Variants in GABRA4 observed in about 807,000 individuals in gnomAD.
The protein encoded by GABRA4 is gamma-aminobutyric acid type A receptor subunit alpha4.
GABRA4 carries 12 observed loss-of-function variants against 49.7 expected under a neutral mutation model. The observed-to-expected ratio is 0.24, with a 90% CI of 0.15 to 0.39. The LOEUF (loss-of-function observed/expected upper bound fraction) is 0.39, where lower values mean the gene tolerates loss of function less well. Ranked by LOEUF, GABRA4 falls within the 10% of genes least tolerant of loss-of-function variation. The probability of loss-of-function intolerance (pLI) is 1.00; values close to 1 mark genes in which losing one functional copy is unlikely to be tolerated. For missense variants in GABRA4, 506 were observed against 686.0 expected (o/e 0.74, Z 2.93); for synonymous variants, 288 against 240.2 (o/e 1.20, Z -1.84).
chr4:46,943,146 A>G (rs922048091), intron 8 of GABRA4, among the ~76,000 whole-genome samples: 1 of 152,108 alleles, frequency 6.6e-6, no homozygotes, highest in Non-Finnish European at 1.5e-5. Flanking sequence ...GCCCATATTC[A>G]AAGTCTAATA....
intron 7 of GABRA4, among the ~76,000 whole-genome samples, chr4:46,968,695 G>A (rs558388097): frequency 2.0e-5 from 3 of 151,540 alleles, no homozygotes; most frequent in East Asian, 1.9e-4. Context: ...CTGCTACTTC[G>A]TTTTCTTAAA....
At chr4:46,991,277 GA>G (rs1469318239) in intron 2 of GABRA4, among the ~76,000 whole-genome samples, 5 of 152,152 alleles carry the variant, frequency 3.3e-5, no homozygotes, top group Non-Finnish European at 7.4e-5. Context: ...TAATGGTTTG[GA>G]ATTCAGAAGA....
chr4:46,977,125 C>G lies in GABRA4; in HGVS notation c.513G>C (p.Glu171Asp). The G allele has an allele frequency of 6.2e-7, 1 of 1,607,528 alleles. No individual in the cohort carries two copies. Among genetic ancestry groups the G allele is most frequent in the Non-Finnish European group, 8.5e-7 (1 of 1,175,512 alleles). Residue 171 changes from glutamate to aspartate, a missense_variant, in exon 5 of 9, where the codon GAG (glutamate) becomes GAC (aspartate). This residue lies in a region of GABRA4 where 195 missense variants were observed against 326.0 expected (regional missense o/e 0.60). Coordinates refer to ENST00000264318, the MANE Select transcript of GABRA4 (RefSeq NM_000809.4). ...GAAAATCCACCAATCTCATGGGACA[C>G]TCCGCACTTATGGTGAGTCTATGAT... Reference protein sequence around the residue: ...LYTMRLTISAECPMRLVDFPM... With the variant: ...LYTMRLTISADCPMRLVDFPM...
intron 5 of GABRA4, 88 bp downstream of exon 5, chr4:46,976,973 G>T (rs1448705730): frequency 2.7e-6 from 2 of 740,296 alleles, no homozygotes; most frequent in Non-Finnish European, 4.6e-6. Context: ...TGACTTAAAT[G>T]TTGGATTATG....
rs1468275421 is a variant in GABRA4, at chr4:46,925,463, AT to A, written c.*2761del. 1 of 151,760 alleles carries A rather than the reference AT, an allele frequency of 6.6e-6. No homozygotes were observed. 9.4% of individuals were successfully genotyped at this position (151,760 alleles called of 1,614,324 possible). Reference sequence around the variant, plus strand: ...TAGGTCCTGAATAAAATTATTCTGAATTTCATCTTTAAAAGAGTTATATAAA... The same window carrying A: ...TAGGTCCTGAATAAAATTATTCTGAATTCATCTTTAAAAGAGTTATATAAA... On this transcript the variant is annotated 3_prime_UTR_variant, in exon 9 of 9. Coordinates refer to ENST00000264318, the MANE Select transcript of GABRA4 (RefSeq NM_000809.4).
At chr4:46,948,366 C>T (rs970783498) in intron 8 of GABRA4, among the ~76,000 whole-genome samples, 2 of 151,994 alleles carry the variant, frequency 1.3e-5, no homozygotes, top group African/African-American at 4.8e-5. Context: ...AAAGAAATAT[C>T]ATGGAGGAAA....
At chr4:46,952,786 A>T (rs1722216150) in intron 8 of GABRA4, among the ~76,000 whole-genome samples, 1 of 152,100 alleles carries the variant, frequency 6.6e-6, no homozygotes, top group Non-Finnish European at 1.5e-5. Flanking sequence ...GATTTTTTCC[A>T]TTCTAAAAAG....
chr4:46,979,070 T>C lies in GABRA4; in HGVS notation c.234A>G (p.Ile78Met). The stretch of plus-strand genomic sequence containing the variant: ...AAACAGGTCCAAAGCTGGTGACATA[T>C]ATGTCAGTTTTCACTTCTGTAACAG... ...GGPVTEVKTD[I>M]YVTSFGPVSD... Residue 78 changes from isoleucine to methionine, a missense_variant, in exon 3 of 9, where the codon ATA (isoleucine) becomes ATG (methionine). By Grantham distance (10) the Ile-to-Met change is conservative. Transcript: ENST00000264318. The C allele has an allele frequency of 6.2e-7, 1 of 1,611,178 alleles. No individual in the cohort carries two copies. The highest frequency in any genetic ancestry group is 2.2e-5 in the East Asian group (1 of 44,756).
chr4:46,954,613 GAGTTTGTACTAAT>G (rs1442168168), intron 8 of GABRA4, among the ~76,000 whole-genome samples: 2 of 151,410 alleles, frequency 1.3e-5, no homozygotes, highest in Non-Finnish European at 2.9e-5. Flanking sequence ...AAGAATGGAT[GAGTTTGTACTAAT>G]ACAGACATTT....
At chr4:46,944,340 G>C (rs944991964) in intron 8 of GABRA4, among the ~76,000 whole-genome samples, 4 of 152,002 alleles carry the variant, frequency 2.6e-5, no homozygotes, top group African/African-American at 9.7e-5. Flanking sequence ...GTCAGCCAGG[G>C]GGCAGTTCTA....
In GABRA4 at chr4:46,928,483, T is replaced by A. The variant is rs961298189; in HGVS notation, c.1407A>T (p.Ser469=). Residue 469 remains serine, a synonymous_variant, in exon 9 of 9, where the codon TCA becomes TCT. Transcript: ENST00000264318. ...IRTGYMPRKA[S]VGSASTRHVF... is the part of the protein sequence containing the mutation. Reference sequence around the variant, plus strand: ...CGTGACGAGTAGAAGCAGATCCAACTGAAGCCTTTCGAGGCATATATCCAG... The same window carrying A: ...CGTGACGAGTAGAAGCAGATCCAACAGAAGCCTTTCGAGGCATATATCCAG... The A allele has an allele frequency of 1.2e-5, 20 of 1,613,498 alleles. No homozygotes were observed. The African/African-American group carries it at 1.7e-4, about 14-fold the overall frequency.
At chr4:46,993,317 C>T in intron 1 of GABRA4, 22 bp downstream of exon 1, 1 of 1,609,058 alleles carries the variant, frequency 6.2e-7, no homozygotes, top group Non-Finnish European at 8.5e-7. Flanking sequence ...TTGCCCACCT[C>T]CTCGCACCCC....
rs1284402175 is a variant in GABRA4, at chr4:46,926,370, G to A, written c.*1855C>T. On this transcript the variant is annotated 3_prime_UTR_variant, in exon 9 of 9. Transcript: ENST00000264318. ...AATCAATTTTAAATTGGGGGGTTGG[G>A]ACTGGGTGATTTCGACAGTATCTTT... The A allele has an allele frequency of 6.6e-6, 1 of 151,798 alleles. No homozygotes were observed. Among genetic ancestry groups the A allele is most frequent in the Non-Finnish European group, 1.5e-5 (1 of 67,848 alleles). The allele number at this position is 151,798 out of a possible 1,614,324, so 9.4% of individuals were successfully genotyped here. A position where few individuals can be genotyped will look rare whatever the true frequency, so the allele number is the denominator to read the frequency against.
rs750395562 is a variant in GABRA4 at position 46,974,195 on chromosome 4, C to A, written c.721+37G>T. ...CAGGAGAAAACTTTATTGCTAACAC[C>A]AAGTAGCATGTCGGCTTTAATCATT... On this transcript the variant is annotated intron_variant, in intron 6 of 8. Transcript: ENST00000264318. The A allele has an allele frequency of 1.2e-4, 188 of 1,573,236 alleles. 2 individuals carry two copies. Among genetic ancestry groups the A allele is most frequent in the Non-Finnish European group, 1.5e-4 (170 of 1,157,346 alleles).
chr4:46,992,712 A>T, intron 2 of GABRA4, 116 bp downstream of exon 2: 1 of 783,416 alleles, frequency 1.3e-6, no homozygotes, highest in Non-Finnish European at 2.3e-6. Flanking sequence ...ATAGAAAGAG[A>T]GAGAGATTTA....
intron 2 of GABRA4, among the ~76,000 whole-genome samples, chr4:46,979,547 T>C (rs1457091313): frequency 6.6e-6 from 1 of 152,072 alleles, no homozygotes; most frequent in Non-Finnish European, 1.5e-5. Context: ...CTGAGGATAC[T>C]AGTAAATAAT....
Position 46,928,597 on chromosome 4 carries a change from G to A in GABRA4, c.1293C>T (p.Ser431=). The change falls in exon 9 of 9, where the codon TCC becomes TCT. Residue 431 remains serine (S), a synonymous_variant. Transcript: ENST00000264318. The stretch of plus-strand genomic sequence containing the variant: ...TTGCACGGCTGAATGGGTTTGGACT[G>A]GAAGCTAAGTAAGACCGAGGTGTGC... ...SKGTPRSYLA[S]SPNPFSRANA... 6.2e-7 allele frequency: 1 copy of A among 1,613,706 alleles called. No individual in the cohort carries two copies.
Position 46,976,517 on chromosome 4 carries a change from T to C in GABRA4, c.577+544A>G, listed in dbSNP as rs1355047629. On this transcript the variant is annotated intron_variant, in intron 5 of 8. Transcript: ENST00000264318. ...ATTATATTAACTCAGACCACACCCC[T>C]ACCATGCTTTTGCCATGCTTCAGTC... is the stretch of plus-strand genomic sequence containing the variant. Among the ~76,000 whole-genome samples, 5 of 151,656 alleles carry C rather than the reference T, an allele frequency of 3.3e-5. No homozygotes were observed. The East Asian group carries it at 9.7e-4, about 30-fold the overall frequency.
chr4:46,941,017 A>T (rs1423854404), intron 8 of GABRA4, among the ~76,000 whole-genome samples: 2 of 152,100 alleles, frequency 1.3e-5, no homozygotes, highest in Non-Finnish European at 2.9e-5. Flanking sequence ...CCAATTTTGC[A>T]CTTCAGTAAA....
Sources: gnomAD v4.1 joint callset for allele counts (sites outside exome capture counted in the v4.1 genomes callset) on GRCh38, gnomAD v4.1.1 for gene constraint, gnomAD v4.1.1 regional missense constraint, MANE v1.5 for transcripts, NCBI Gene and HGNC (gene_info 2026-07-23, HGNC 2026-07-21) for gene names.